Variants in CNNM3 observed in about 807,000 individuals in gnomAD.
CNNM3 encodes metal transporter CNNM3.
CNNM3 carries 47 observed loss-of-function variants against 57.1 expected under a neutral mutation model. That is an observed-to-expected ratio of 0.82 (90% CI 0.65 to 1.05). The LOEUF (loss-of-function observed/expected upper bound fraction) is 1.05, where lower values mean the gene tolerates loss of function less well. CNNM3 is among the 50% of genes least tolerant of loss of function. The pLI is 0.00. For synonymous variants in CNNM3, 507 were observed against 478.2 expected (o/e 1.06, Z -0.79); for missense variants, 957 against 973.7 (o/e 0.98, Z 0.23).
rs1574120490 is a variant in CNNM3 at position 96,833,491 on chromosome 2, C to T, written c.*875C>T. On this transcript the variant is annotated 3_prime_UTR_variant, in exon 8 of 8. Coordinates refer to ENST00000305510, the MANE Select transcript of CNNM3 (RefSeq NM_017623.5). ...AGCCTCCCTGCAGGTGCTGTGTGGCCGTGATGTGCAGAGAGCAGTGAGGGA... is the reference window on the plus strand; with the variant it reads ...AGCCTCCCTGCAGGTGCTGTGTGGCTGTGATGTGCAGAGAGCAGTGAGGGA... 3.0e-5 allele frequency: 5 copies of T among 166,546 alleles called. No individual in the cohort carries two copies. Among genetic ancestry groups the T allele is most frequent in the Middle Eastern group, 2.8e-3 (1 of 354 alleles). 10.3% of individuals were successfully genotyped at this position (166,546 alleles called of 1,614,324 possible). A position where few individuals can be genotyped will look rare whatever the true frequency, so the allele number is the denominator to read the frequency against.
chr2:96,829,286 T>A, intron 7 of CNNM3, 152 bp downstream of exon 7: 1 of 1,027,126 alleles, frequency 9.7e-7, no homozygotes, highest in Non-Finnish European at 1.2e-6. Flanking sequence ...TATATATCTA[T>A]ATATAAATAA....
rs1230845358 is a variant in CNNM3 at position 96,832,915 on chromosome 2, T to TC, written c.*304dup. On this transcript the variant is annotated 3_prime_UTR_variant, in exon 8 of 8. Transcript: ENST00000305510. Reference sequence around the variant, plus strand: ...TTCCCAGGGCCCAGCCTTCCCCTTCTCCCCCGGGGCAGGGACAGTGCGGCA... The same window carrying TC: ...TTCCCAGGGCCCAGCCTTCCCCTTCTCCCCCCGGGGCAGGGACAGTGCGGCA... 3 of 1,440,286 alleles carry TC rather than the reference T, an allele frequency of 2.1e-6. No homozygotes were observed. Among genetic ancestry groups the TC allele is most frequent in the Non-Finnish European group, 2.8e-6 (3 of 1,086,190 alleles). 89.2% of individuals were successfully genotyped at this position (1,440,286 alleles called of 1,614,324 possible).
chr2:96,817,172 G>T lies in CNNM3; in HGVS notation c.895G>T (p.Asp299Tyr). 6.9e-7 allele frequency: 1 copy of T among 1,446,552 alleles called. No individual in the cohort carries two copies. The highest frequency in any genetic ancestry group is 9.0e-7 in the Non-Finnish European group (1 of 1,107,178). 89.6% of individuals were successfully genotyped at this position (1,446,552 alleles called of 1,614,324 possible). The change falls in exon 1 of 8, where the codon GAC becomes TAC. Residue 299 changes from aspartate (D) to tyrosine (Y), a missense_variant. Physicochemically the swap from Asp to Tyr is radical, Grantham distance 160. Transcript: ENST00000305510. Reference protein sequence around the residue: ...RVLELARGGGDPYSDLSKGVL... With the variant: ...RVLELARGGGYPYSDLSKGVL... ...GCTGGAGCTGGCGCGCGGCGGCGGC[G>T]ACCCCTACAGCGATCTCAGCAAGGG...
intron 1 of CNNM3, among the ~76,000 whole-genome samples, chr2:96,820,478 C>T (rs962433587): frequency 6.6e-6 from 1 of 152,084 alleles, no homozygotes; most frequent in African/African-American, 2.4e-5. Flanking sequence ...AGGCAGAGAG[C>T]CTCAGCCTCC....
At chr2:96,827,950 G>A in intron 4 of CNNM3, 50 bp downstream of exon 4, 1 of 1,596,300 alleles carries the variant, frequency 6.3e-7, no homozygotes, top group Non-Finnish European at 8.6e-7. Context: ...TCAGGCCAGG[G>A]AAGGGTCTAG....
At chr2:96,822,225 G>C (rs375009533) in intron 1 of CNNM3, among the ~76,000 whole-genome samples, 16 of 151,934 alleles carry the variant, frequency 1.1e-4, no homozygotes, top group African/African-American at 3.9e-4. Context: ...GGATAGTTTC[G>C]ATCTCTTGAC....
chr2:96,816,903 T>C lies in CNNM3; in HGVS notation c.626T>C (p.Leu209Pro). ...LLLASLAQAA[L>P]AVLLYRAAGQ... ...CTGGCCAGCCTGGCGCAGGCGGCGC[T>C]GGCGGTGCTGCTGTACCGCGCGGCC... is the stretch of plus-strand genomic sequence containing the variant. Residue 209 changes from leucine to proline, a missense_variant, in exon 1 of 8, where the codon CTG (leucine) becomes CCG (proline). Leu to Pro is a moderately conservative substitution (Grantham distance 98). This residue lies in a region of CNNM3 where 466 missense variants were observed against 403.1 expected (regional missense o/e 1.16). Coordinates refer to ENST00000305510, the MANE Select transcript of CNNM3 (RefSeq NM_017623.5). 2 of 1,131,812 alleles carry C rather than the reference T, an allele frequency of 1.8e-6. No individual in the cohort carries two copies. The highest frequency in any genetic ancestry group is 2.2e-6 in the Non-Finnish European group (2 of 927,224). 70.1% of individuals were successfully genotyped at this position (1,131,812 alleles called of 1,614,324 possible).
chr2:96,831,768 C>T lies in CNNM3; in HGVS notation c.2060-784C>T, dbSNP rs145443561. 2.8e-3 allele frequency among the ~76,000 whole-genome samples: 428 copies of T among 152,366 alleles called. 4 individuals carry two copies. Among genetic ancestry groups the T allele is most frequent in the South Asian group, 4.6e-3 (22 of 4,828 alleles). ...GGCAGTCCCCACACTGTGCAGCCCT[C>T]CATGCTGTGCTCCTGGCTTTCTCTG... On this transcript the variant is annotated intron_variant, in intron 7 of 7. Transcript: ENST00000305510.
intron 3 of CNNM3, among the ~76,000 whole-genome samples, 175 bp downstream of exon 3, chr2:96,827,157 T>C (rs1267552770): frequency 6.6e-6 from 1 of 151,960 alleles, no homozygotes; most frequent in Non-Finnish European, 1.5e-5. Context: ...AGACACCTCC[T>C]CTCTGCCAGA....
chr2:96,826,001 C>T (rs1023652878), intron 2 of CNNM3, among the ~76,000 whole-genome samples: 3 of 152,148 alleles, frequency 2.0e-5, no homozygotes, highest in Admixed American at 6.5e-5. Flanking sequence ...AGAGTCTGTG[C>T]GTCATGGCCG....
intron 3 of CNNM3, among the ~76,000 whole-genome samples, chr2:96,827,265 C>CTTTTT (rs373030542): frequency 7.4e-6 from 1 of 134,760 alleles, no homozygotes; most frequent in Non-Finnish European, 1.6e-5. Flanking sequence ...CTGCCCAGTT[C>CTTTTT]TTTTTTTTTT....
At chr2:96,828,534 G>A (rs780307848) in intron 5 of CNNM3, 33 bp from the exon 6 acceptor site, 2 of 1,613,580 alleles carry the variant, frequency 1.2e-6, no homozygotes, top group East Asian at 2.2e-5. Context: ...CTGCCAGCAT[G>A]GCTCCTGCCA....
intron 7 of CNNM3, among the ~76,000 whole-genome samples, chr2:96,830,932 A>G (rs75926743): frequency 0.086 from 13,048 of 152,256 alleles, 1,863 homozygotes; most frequent in African/African-American, 0.3. Context: ...TCAGAGGCCA[A>G]GGTTTTAAAA....
rs974163510 is a variant in CNNM3 at position 96,834,145 on chromosome 2, T to A, written c.*1529T>A. ...GTTGGCCAGGCTGATCTTGAACTCCTGACCTCAGGTGATCTGCCTGCCTTG... is the reference window on the plus strand; with the variant it reads ...GTTGGCCAGGCTGATCTTGAACTCCAGACCTCAGGTGATCTGCCTGCCTTG... On this transcript the variant is annotated 3_prime_UTR_variant, in exon 8 of 8. Coordinates refer to ENST00000305510, the MANE Select transcript of CNNM3 (RefSeq NM_017623.5). 2.0e-5 allele frequency among the ~76,000 whole-genome samples: 3 copies of A among 152,070 alleles called. No homozygotes were observed. In the East Asian group the frequency reaches 5.8e-4, roughly 29 times the overall value.
chr2:96,835,059 A>G lies in CNNM3; in HGVS notation c.*2443A>G, dbSNP rs547819298. Among the ~76,000 whole-genome samples, 84 of 152,284 alleles carry G rather than the reference A, an allele frequency of 5.5e-4. 3 individuals are homozygous for G. In the South Asian group the frequency reaches 0.017, roughly 31 times the overall value. On this transcript the variant is annotated 3_prime_UTR_variant, in exon 8 of 8. Coordinates refer to ENST00000305510, the MANE Select transcript of CNNM3 (RefSeq NM_017623.5). ...GTACATCTGTGTAACTACCACTGCA[A>G]TCAGGATAAAGAAGTCCCATCCCCA...
At chr2:96,828,318 A>G in intron 5 of CNNM3, 123 bp downstream of exon 5, 1 of 888,256 alleles carries the variant, frequency 1.1e-6, no homozygotes, top group Non-Finnish European at 1.8e-6. Flanking sequence ...ACCACCCCAC[A>G]AGGTGGTGTA....
rs1218646692 is a variant in CNNM3, at chr2:96,833,160, G to A, written c.*544G>A. 2 of 517,988 alleles carry A rather than the reference G, an allele frequency of 3.9e-6. No individual in the cohort carries two copies. Among genetic ancestry groups the A allele is most frequent in the South Asian group, 1.8e-5 (1 of 55,950 alleles). The allele number at this position is 517,988 out of a possible 1,614,324, so 32.1% of individuals were successfully genotyped here. ...TTCCCTGATGGTGTCATGTTTCAGC[G>A]CATGCGCCCCAGCCTTTCCCATGTG... On this transcript the variant is annotated 3_prime_UTR_variant, in exon 8 of 8. Coordinates refer to ENST00000305510, the MANE Select transcript of CNNM3 (RefSeq NM_017623.5).
chr2:96,822,067 A>G (rs891981442), intron 1 of CNNM3, among the ~76,000 whole-genome samples: 15 of 151,482 alleles, frequency 9.9e-5, no homozygotes, highest in African/African-American at 3.1e-4. Flanking sequence ...CAGTGGCACA[A>G]TCTTGGCTCA....
intron 1 of CNNM3, among the ~76,000 whole-genome samples, chr2:96,820,177 A>C (rs1244363999): frequency 6.6e-6 from 1 of 152,178 alleles, no homozygotes; most frequent in African/African-American, 2.4e-5. Context: ...TAACCTGAAC[A>C]AGGTTCATGG....
Sources: gnomAD v4.1 joint callset for allele counts (sites outside exome capture counted in the v4.1 genomes callset) on GRCh38, gnomAD v4.1.1 for gene constraint, gnomAD v4.1.1 regional missense constraint, MANE v1.5 for transcripts, NCBI Gene and HGNC (gene_info 2026-07-23, HGNC 2026-07-21) for gene names.